Variants in HDGFL2 observed in about 807,000 individuals in gnomAD.
HDGFL2 encodes hepatoma-derived growth factor-related protein 2.
HDGFL2 carries 36 observed loss-of-function variants against 77.1 expected under a neutral mutation model. The ratio of observed to expected loss-of-function variants is 0.47; its 90% confidence interval spans 0.36 to 0.62. The LOEUF is 0.62. HDGFL2 is among the 20% of genes least tolerant of loss of function. HDGFL2 has a pLI of 0.00. For synonymous variants in HDGFL2, 463 were observed against 413.1 expected (o/e 1.12, Z -1.46); for missense variants, 976 against 973.4 (o/e 1.00, Z -0.04).
At chr19:4,491,722 G>A in intron 5 of HDGFL2, 40 bp downstream of exon 5, 1 of 1,612,612 alleles carries the variant, frequency 6.2e-7, no homozygotes, top group South Asian at 1.1e-5. Context: ...GAAGCGTGGT[G>A]GCTGCCAGTG....
intron 6 of HDGFL2, among the ~76,000 whole-genome samples, chr19:4,493,168 TGTGGTGTGTGC>T (rs1215537033): frequency 7.2e-6 from 1 of 138,768 alleles, no homozygotes; most frequent in Non-Finnish European, 1.6e-5. Flanking sequence ...GTTGTCTGTG[TGTGGTGTGTGC>T]GTGGTGTGTG....
At chr19:4,495,121 C>T (rs896060569) in intron 9 of HDGFL2, among the ~76,000 whole-genome samples, 7 of 152,164 alleles carry the variant, frequency 4.6e-5, no homozygotes, top group Admixed American at 1.3e-4. Context: ...GGCGCAGTGG[C>T]TCACGCCTGT....
chr19:4,495,051 G>A (rs974389751), intron 9 of HDGFL2, among the ~76,000 whole-genome samples: 9 of 152,118 alleles, frequency 5.9e-5, no homozygotes, highest in African/African-American at 2.2e-4. Flanking sequence ...AGACCCTGAA[G>A]GTGTGAGTAG....
At chr19:4,498,237 C>A in intron 11 of HDGFL2, 69 bp from the exon 12 acceptor site, 1 of 1,418,492 alleles carries the variant, frequency 7.0e-7, no homozygotes, top group Non-Finnish European at 9.9e-7. Flanking sequence ...CTCTCAGGCT[C>A]CTGCCCTTGA....
chr19:4,478,310 C>T (rs1427311907), intron 3 of HDGFL2, among the ~76,000 whole-genome samples: 3 of 150,484 alleles, frequency 2.0e-5, no homozygotes, highest in Non-Finnish European at 4.4e-5. Flanking sequence ...TCAAGCGATT[C>T]TCCTGCCTCA....
rs1484825143 is a variant in HDGFL2, at chr19:4,475,565, C to T, written c.270C>T (p.Ala90=). Reference sequence around the variant, plus strand: ...GGGAGATCCAGAACAACCCCCACGCCAGCTACAGCGCCCCTCCGGTGAGTA... The same window carrying T: ...GGGAGATCCAGAACAACCCCCACGCTAGCTACAGCGCCCCTCCGGTGAGTA... ...GLWEIQNNPH[A]SYSAPPPVSS... The change falls in exon 3 of 16, where the codon GCC becomes GCT. Residue 90 remains alanine (A), a synonymous_variant. Coordinates refer to ENST00000616600, the MANE Select transcript of HDGFL2 (RefSeq NM_001001520.3). 6.3e-7 allele frequency: 1 copy of T among 1,582,712 alleles called. No homozygotes were observed. Among genetic ancestry groups the T allele is most frequent in the South Asian group, 1.2e-5 (1 of 86,164 alleles).
In HDGFL2 at chr19:4,499,599, A is replaced by T. The variant is rs777602462; in HGVS notation, c.1684A>T (p.Asn562Tyr). Residue 562 changes from asparagine to tyrosine, a missense_variant, in exon 14 of 16, where the codon AAC becomes TAC. By Grantham distance (143) the Asn-to-Tyr change is moderately radical. Around this residue, in one of 5 missense-constraint regions of HDGFL2, gnomAD observed 229 missense variants for 187.3 expected, o/e 1.22. Coordinates refer to ENST00000616600, the MANE Select transcript of HDGFL2 (RefSeq NM_001001520.3). ...GPKIEAVQKV[N>Y]KAGMEKEKAE... is the part of the protein sequence containing the mutation. ...AAAGATCGAGGCGGTGCAGAAAGTG[A>T]ACAAGGCTGGGATGGAGAAGGAGAA... is the stretch of plus-strand genomic sequence containing the variant. 1 of 1,610,160 alleles carries T rather than the reference A, an allele frequency of 6.2e-7. No homozygotes were observed.
At position 4,493,454 on chromosome 19, in the gene HDGFL2, C is replaced by G. The variant is rs1975602490; in HGVS notation, c.679-249C>G. Among the ~76,000 whole-genome samples, 2 of 152,072 alleles carry G rather than the reference C, an allele frequency of 1.3e-5. 1 individual carries two copies. The highest frequency in any genetic ancestry group is 4.1e-4 in the South Asian group (2 of 4,828). ...CTGGGAAACCCGGGCTTCTGATGTA[C>G]CCGGTTCACTGAGGAAGATGAGGGG... On this transcript the variant is annotated intron_variant, in intron 6 of 15. Coordinates refer to ENST00000616600, the MANE Select transcript of HDGFL2 (RefSeq NM_001001520.3).
chr19:4,484,958 A>T (rs1975323571), intron 3 of HDGFL2, among the ~76,000 whole-genome samples: 1 of 151,894 alleles, frequency 6.6e-6, no homozygotes, highest in Non-Finnish European at 1.5e-5. Context: ...GGCATGAGCC[A>T]CCGTGCCCGG....
Position 4,488,758 on chromosome 19 carries a change from GGGT to G in HDGFL2, c.372_374del (p.Val125del). 1 of 1,553,210 alleles carries G rather than the reference GGGT, an allele frequency of 6.4e-7. No individual in the cohort carries two copies. The highest frequency in any genetic ancestry group is 8.7e-7 in the Non-Finnish European group (1 of 1,147,938). Reference sequence around the variant, plus strand: ...GCTGACGAGGACGATGAGGACCGGGGGGTCATGGCCGTCACAGCGGTAACCGCC... The same window carrying G: ...GCTGACGAGGACGATGAGGACCGGGGCATGGCCGTCACAGCGGTAACCGCC... On this transcript the variant is annotated inframe_deletion, in exon 4 of 16. Transcript: ENST00000616600.
In HDGFL2 at chr19:4,491,670, G is replaced by C; in HGVS notation, c.594G>C (p.Lys198Asn). Residue 198 changes from lysine to asparagine, a missense_variant, in exon 5 of 16, where the codon AAG (lysine) becomes AAC (asparagine). Around this residue, in one of 5 missense-constraint regions of HDGFL2, gnomAD observed 567 missense variants for 534.7 expected, o/e 1.06. Transcript: ENST00000616600. Reference sequence around the variant, plus strand: ...CGGAAAGCTCATCTGAGTCGGAGAAGACCAGCGACCAGGTGGGCCAGTGGC... The same window carrying C: ...CGGAAAGCTCATCTGAGTCGGAGAACACCAGCGACCAGGTGGGCCAGTGGC... ...ENSESSSESE[K>N]TSDQDFTPEK... The C allele has an allele frequency of 6.2e-7, 1 of 1,613,864 alleles. No homozygotes were observed. Among genetic ancestry groups the C allele is most frequent in the Non-Finnish European group, 8.5e-7 (1 of 1,179,874 alleles).
At chr19:4,494,887 T>A (rs887316790) in intron 9 of HDGFL2, among the ~76,000 whole-genome samples, 1 of 151,884 alleles carries the variant, frequency 6.6e-6, no homozygotes, top group Non-Finnish European at 1.5e-5. Context: ...TCCACTGCAC[T>A]CCAGCCTGGG....
chr19:4,496,811 T>C (rs1975714246), intron 10 of HDGFL2: 2 of 381,654 alleles, frequency 5.2e-6, no homozygotes, highest in Non-Finnish European at 1.0e-5. Context: ...CACCCCGGCC[T>C]AGGGGTTTGC....
At position 4,491,871 on chromosome 19, in the gene HDGFL2, C is replaced by A. The variant is rs569148044; in HGVS notation, c.678+36C>A. 8.9e-6 allele frequency: 14 copies of A among 1,567,658 alleles called. No homozygotes were observed. The East Asian group carries it at 2.7e-4, about 30-fold the overall frequency. ...CTTGACTTTGTTTCCCATGCCCACT[C>A]GTGGGGCACCTCTGCGGTCTCCAGT... On this transcript the variant is annotated intron_variant, in intron 6 of 15. Transcript: ENST00000616600.
At chr19:4,500,585 C>T (rs920686558) in intron 14 of HDGFL2, among the ~76,000 whole-genome samples, 11 of 151,772 alleles carry the variant, frequency 7.2e-5, no homozygotes, top group Non-Finnish European at 1.3e-4. Flanking sequence ...CTCAGCCTCC[C>T]GAGGAGCTGG....
rs1453619118 is a variant in HDGFL2 at position 4,499,691 on chromosome 19, C to G, written c.1776C>G (p.Asp592Glu). The G allele has an allele frequency of 6.7e-7, 1 of 1,481,924 alleles. No homozygotes were observed. Among genetic ancestry groups the G allele is most frequent in the South Asian group, 1.2e-5 (1 of 84,816 alleles). 91.8% of individuals were successfully genotyped at this position (1,481,924 alleles called of 1,614,324 possible). The change falls in exon 14 of 16, where the codon GAC (aspartate) becomes GAG (glutamate). Residue 592 changes from aspartate (D) to glutamate (E), a missense_variant. Coordinates refer to ENST00000616600, the MANE Select transcript of HDGFL2 (RefSeq NM_001001520.3). ...GEEAPQEKAE[D>E]KPSTDLSAPV... is the part of the protein sequence containing the mutation. The stretch of plus-strand genomic sequence containing the variant: ...AGGCCCCCCAGGAGAAGGCGGAGGA[C>G]AAGCCCAGCACCGGTGAGGGGCGGG...
intron 1 of HDGFL2, among the ~76,000 whole-genome samples, chr19:4,473,467 G>C (rs758384831): frequency 1.3e-5 from 2 of 151,934 alleles, no homozygotes; most frequent in Non-Finnish European, 2.9e-5. Flanking sequence ...GGGGATCCCA[G>C]GCCTGAGGGC....
intron 15 of HDGFL2, 90 bp downstream of exon 15, chr19:4,501,407 C>A: frequency 7.0e-7 from 1 of 1,435,838 alleles, no homozygotes; most frequent in Non-Finnish European, 9.4e-7. Context: ...TGTGCCAGTC[C>A]CTCTGGGATG....
chr19:4,474,753 G>C (rs937954988), intron 1 of HDGFL2: 1 of 155,066 alleles, frequency 6.4e-6, no homozygotes, highest in Admixed American at 6.4e-5. Flanking sequence ...GATTGGAAGT[G>C]AAGGGGCTGT....
Sources: allele counts gnomAD v4.1 joint callset (sites outside exome capture counted in the v4.1 genomes callset), GRCh38; gene constraint gnomAD v4.1.1; regional missense constraint gnomAD v4.1.1; transcripts MANE v1.5; gene names NCBI Gene and HGNC (gene_info 2026-07-23, HGNC 2026-07-21).